The following PCDHA3 variants were observed in gnomAD, a reference collection of about 807,000 sequenced individuals.
PCDHA3 encodes the protein protocadherin alpha-3.
Under a neutral mutation model 62.2 loss-of-function variants are expected in PCDHA3, and 41 were observed. That is an observed-to-expected ratio of 0.66 (90% CI 0.51 to 0.86). The LOEUF is 0.86. Among genes scored for constraint, PCDHA3 ranks in the 40% least tolerant of loss-of-function variants. The pLI, the probability that PCDHA3 is intolerant of heterozygous loss-of-function variation, is 0.00. For missense variants in PCDHA3, 1,304 were observed against 1,241.2 expected (o/e 1.05, Z -0.76); for synonymous variants, 640 against 555.4 (o/e 1.15, Z -2.14).
intron 1 of PCDHA3, chr5:140,969,451 T>C (rs1016577934): frequency 3.3e-6 from 5 of 1,511,952 alleles, no homozygotes; most frequent in Non-Finnish European, 3.6e-6. Context: ...GTAAACTGAG[T>C]ATATATAGTA....
At chr5:140,903,800 A>T (rs2070614237) in intron 1 of PCDHA3, among the ~76,000 whole-genome samples, 1 of 152,178 alleles carries the variant, frequency 6.6e-6, no homozygotes, top group African/African-American at 2.4e-5. Context: ...GTTGTAATTG[A>T]CAAGTATAGT....
intron 1 of PCDHA3, among the ~76,000 whole-genome samples, chr5:140,977,204 A>G (rs1051271481): frequency 9.9e-5 from 15 of 152,170 alleles, no homozygotes; most frequent in Non-Finnish European, 1.6e-4. Context: ...AGTTGCAGCA[A>G]TTTTCATCAT....
chr5:141,009,880 C>T lies in PCDHA3; in HGVS notation c.2796C>T (p.Asn932=). ...AAAAGAAGAAAAAGAAGAAGGGTAACAAGACCCAGGAGAAAAAAGAGAAAG... is the reference window on the plus strand; with the variant it reads ...AAAAGAAGAAAAAGAAGAAGGGTAATAAGACCCAGGAGAAAAAAGAGAAAG... The part of the protein sequence containing the change: ...TKKKKKKKKG[N]KTQEKKEKGN... Residue 932 remains asparagine, a synonymous_variant, in exon 4 of 4, where the codon AAC becomes AAT. Transcript: ENST00000522353. 1 of 1,613,788 alleles carries T rather than the reference C, an allele frequency of 6.2e-7. No individual in the cohort carries two copies. The highest frequency in any genetic ancestry group is 8.5e-7 in the Non-Finnish European group (1 of 1,179,974).
At position 140,801,889 on chromosome 5, in the gene PCDHA3, C is replaced by T. The variant is rs782143369; in HGVS notation, c.692C>T (p.Thr231Ile). 6.2e-7 allele frequency: 1 copy of T among 1,614,162 alleles called. No individual in the cohort carries two copies. Among genetic ancestry groups the T allele is most frequent in the South Asian group, 1.1e-5 (1 of 91,084 alleles). Residue 231 changes from threonine to isoleucine, a missense_variant, in exon 1 of 4, where the codon ACT becomes ATT. Coordinates refer to ENST00000522353, the MANE Select transcript of PCDHA3 (RefSeq NM_018906.3). ...ELTGTTQLKITVLDVNDNAPA... is the reference protein window; with the variant it reads ...ELTGTTQLKIIVLDVNDNAPA... The stretch of plus-strand genomic sequence containing the variant: ...ACTGGCACGACTCAACTAAAGATCA[C>T]TGTTTTAGATGTAAACGACAACGCC...
intron 3 of PCDHA3, among the ~76,000 whole-genome samples, chr5:140,983,914 AGGATT>A (rs1327360241): frequency 6.6e-6 from 1 of 152,244 alleles, no homozygotes; most frequent in Non-Finnish European, 1.5e-5. Flanking sequence ...CTAATCAGCC[AGGATT>A]TGCTATTTAT....
At chr5:140,913,896 C>T (rs1440194616) in intron 1 of PCDHA3, among the ~76,000 whole-genome samples, 5 of 152,018 alleles carry the variant, frequency 3.3e-5, no homozygotes, top group African/African-American at 7.2e-5. Context: ...TCCAAAATTC[C>T]CCTTTTTTAT....
chr5:141,009,233 T>C (rs2098403082), intron 3 of PCDHA3, among the ~76,000 whole-genome samples: 1 of 152,184 alleles, frequency 6.6e-6, no homozygotes, highest in Non-Finnish European at 1.5e-5. Context: ...GGTGGGAGGA[T>C]CTCTTGAGCT....
chr5:140,886,917 T>C (rs893093876), intron 1 of PCDHA3, among the ~76,000 whole-genome samples: 12 of 152,044 alleles, frequency 7.9e-5, no homozygotes, highest in Non-Finnish European at 1.8e-4. Flanking sequence ...TTATTGAGTG[T>C]TCTCTATGTG....
chr5:140,850,349 G>A (rs2150480668), intron 1 of PCDHA3: 3 of 1,597,844 alleles, frequency 1.9e-6, no homozygotes, highest in Non-Finnish European at 1.7e-6. Flanking sequence ...CGGCCAGCGC[G>A]AGCATCCCGT....
chr5:140,879,184 T>C (rs1368886985), intron 1 of PCDHA3, among the ~76,000 whole-genome samples: 1 of 152,136 alleles, frequency 6.6e-6, no homozygotes, highest in Admixed American at 6.5e-5. Flanking sequence ...TATCAAGTAA[T>C]GGAGACTTAA....
rs2150111349 is a variant in PCDHA3, at chr5:140,821,865, C to T, written c.2394+18274C>T. On this transcript the variant is annotated intron_variant, in intron 1 of 3. Coordinates refer to ENST00000522353, the MANE Select transcript of PCDHA3 (RefSeq NM_018906.3). ...ACTGGAAGGCAGGGAGCGGCCAGCT[C>T]CACTACTCGATCCCGGAGGAAGCCA... 5.6e-6 allele frequency: 9 copies of T among 1,614,214 alleles called. No homozygotes were observed. The South Asian group carries it at 8.8e-5, about 16-fold the overall frequency.
intron 1 of PCDHA3, chr5:140,878,017 G>A: frequency 1.2e-6 from 1 of 800,034 alleles, no homozygotes; most frequent in Non-Finnish European, 1.8e-6. Flanking sequence ...ATTAATGAAG[G>A]AAATATGTAG....
At chr5:140,910,408 G>A (rs1165160124) in intron 1 of PCDHA3, among the ~76,000 whole-genome samples, 2 of 152,106 alleles carry the variant, frequency 1.3e-5, no homozygotes, top group African/African-American at 2.4e-5. Flanking sequence ...CTGCCACCTC[G>A]AGATCCAATT....
intron 1 of PCDHA3, chr5:140,851,535 G>T: frequency 1.1e-6 from 1 of 904,912 alleles, no homozygotes. Flanking sequence ...TGACAATGTA[G>T]ATAATTCAAG....
At chr5:140,964,473 T>G (rs1457345251) in intron 1 of PCDHA3, among the ~76,000 whole-genome samples, 13 of 152,068 alleles carry the variant, frequency 8.5e-5, no homozygotes, top group African/African-American at 3.1e-4. Flanking sequence ...TGCCTATGAT[T>G]TTTTCACAGT....
At chr5:140,856,381 G>T in intron 1 of PCDHA3, 2 of 1,598,516 alleles carry the variant, frequency 1.3e-6, no homozygotes, top group South Asian at 1.1e-5. Context: ...TCGTGGACAG[G>T]CCGCTGCAGG....
chr5:140,980,890 C>G (rs1554242450), intron 2 of PCDHA3, among the ~76,000 whole-genome samples: 1 of 152,104 alleles, frequency 6.6e-6, no homozygotes, highest in African/African-American at 2.4e-5. Flanking sequence ...TCTTTCCAGT[C>G]TTGGACATCA....
Position 140,982,278 on chromosome 5 carries a change from A to G in PCDHA3, c.2454-197A>G, listed in dbSNP as rs997424016. On this transcript the variant is annotated intron_variant, in intron 2 of 3. Transcript: ENST00000522353. ...ATGTGTGTTCCTGGAATAGTATAGC[A>G]GGCAATAAGTAAGTCAGCAATGCTT... 8.2e-6 allele frequency: 8 copies of G among 980,114 alleles called. No homozygotes were observed. In the South Asian group the frequency reaches 1.1e-4, roughly 14 times the overall value. The allele number at this position is 980,114 out of a possible 1,614,324, so 60.7% of individuals were successfully genotyped here.
intron 1 of PCDHA3, among the ~76,000 whole-genome samples, chr5:140,963,380 G>A (rs1476855902): frequency 6.6e-6 from 1 of 152,198 alleles, no homozygotes; most frequent in Non-Finnish European, 1.5e-5. Context: ...GAGCACCTCT[G>A]TGCCAAGCTC....
Sources: allele counts gnomAD v4.1 joint callset (sites outside exome capture counted in the v4.1 genomes callset), GRCh38; gene constraint gnomAD v4.1.1; transcripts MANE v1.5; gene names NCBI Gene and HGNC (gene_info 2026-07-23, HGNC 2026-07-21).